The following GALNTL6 variants were observed in gnomAD, a reference collection of about 807,000 sequenced individuals.
GALNTL6 encodes the protein polypeptide N-acetylgalactosaminyltransferase like 6.
GALNTL6 carries 46 observed loss-of-function variants against 73.7 expected under a neutral mutation model. The observed-to-expected ratio is 0.62, with a 90% CI of 0.49 to 0.80. GALNTL6 has a LOEUF of 0.80. Among genes scored for constraint, GALNTL6 ranks in the 30% least tolerant of loss-of-function variants. GALNTL6 has a pLI of 0.00. For synonymous variants in GALNTL6, 259 were observed against 263.7 expected, an observed-to-expected ratio of 0.98 and a Z score of 0.17; for missense variants, 604 against 755.0, an observed-to-expected ratio of 0.80 and a Z score of 2.34.
chr4:171,877,159 C>T (rs1036611374), intron 2 of GALNTL6, among the ~76,000 whole-genome samples: 4 of 152,122 alleles, frequency 2.6e-5, no homozygotes, highest in Non-Finnish European at 5.9e-5. Context: ...TCATTCATTC[C>T]AAATTTCCTT....
chr4:172,515,398 T>A (rs1734567061), intron 5 of GALNTL6, among the ~76,000 whole-genome samples: 1 of 152,224 alleles, frequency 6.6e-6, no homozygotes, highest in Non-Finnish European at 1.5e-5. Flanking sequence ...CTCCTCTCCC[T>A]TGGGCTTGTG....
At chr4:171,985,308 G>A (rs1740035182) in intron 2 of GALNTL6, among the ~76,000 whole-genome samples, 1 of 152,164 alleles carries the variant, frequency 6.6e-6, no homozygotes, top group South Asian at 2.1e-4. Flanking sequence ...GAAAATGAGA[G>A]CCAAGTGAAA....
chr4:172,089,926 T>C (rs9995106), intron 2 of GALNTL6, among the ~76,000 whole-genome samples: 150,263 of 152,240 alleles, frequency 0.99, 74,180 homozygotes, highest in Middle Eastern at 1. Context: ...TGTTCAGCTC[T>C]CACTTATGAA....
chr4:172,926,737 C>T (rs1265329662), intron 8 of GALNTL6, among the ~76,000 whole-genome samples: 1 of 152,210 alleles, frequency 6.6e-6, no homozygotes, highest in Admixed American at 6.6e-5. Flanking sequence ...TAAGCACTGA[C>T]ATTTGATTAT....
chr4:171,952,911 G>A (rs1219352658), intron 2 of GALNTL6, among the ~76,000 whole-genome samples: 5 of 152,044 alleles, frequency 3.3e-5, no homozygotes, highest in Non-Finnish European at 7.4e-5. Flanking sequence ...CATCAATAAT[G>A]AGAAAAATCT....
chr4:172,159,533 A>G (rs1734388979), intron 2 of GALNTL6, among the ~76,000 whole-genome samples: 3 of 152,186 alleles, frequency 2.0e-5, no homozygotes, highest in Admixed American at 2.0e-4. Flanking sequence ...CATGAGTAGG[A>G]GTCAAGTGTA....
chr4:172,974,578 T>C (rs1242638517), intron 10 of GALNTL6, among the ~76,000 whole-genome samples: 1 of 152,180 alleles, frequency 6.6e-6, no homozygotes, highest in Non-Finnish European at 1.5e-5. Context: ...ATGGGATCCT[T>C]GGGGTGTTGT....
intron 7 of GALNTL6, among the ~76,000 whole-genome samples, chr4:172,841,193 A>G (rs1022888686): frequency 4.6e-5 from 7 of 152,212 alleles, no homozygotes; most frequent in African/African-American, 1.7e-4. Context: ...GAAATATGCT[A>G]CTGGAAATGG....
At chr4:172,969,432 C>G (rs1750473057) in intron 10 of GALNTL6, among the ~76,000 whole-genome samples, 1 of 152,024 alleles carries the variant, frequency 6.6e-6, no homozygotes, top group Admixed American at 6.6e-5. Context: ...AACTATAATT[C>G]AAAGAAACCT....
chr4:172,820,092 G>T (rs774334331), intron 7 of GALNTL6, among the ~76,000 whole-genome samples: 1 of 152,192 alleles, frequency 6.6e-6, no homozygotes, highest in Admixed American at 6.5e-5. Context: ...CTGCACAAGG[G>T]TGCCCAGTGG....
intron 10 of GALNTL6, among the ~76,000 whole-genome samples, chr4:172,982,204 T>C (rs184801612): frequency 5.3e-5 from 8 of 152,344 alleles, no homozygotes; most frequent in Admixed American, 2.0e-4. Context: ...GCCAAATGTT[T>C]CCACAAGCTC....
Position 172,339,640 on chromosome 4 carries a change from C to T in GALNTL6, c.387-8883C>T, listed in dbSNP as rs77056158. ...TCGGGGAAAATGCTGCAACTTTTCC[C>T]AATGTCTTTCCCTCTGAGTTTCTCC... On this transcript the variant is annotated intron_variant, in intron 4 of 12. Transcript: ENST00000506823. Among the ~76,000 whole-genome samples the T allele has an allele frequency of 3.5e-3, 535 of 152,266 alleles. 2 individuals carry two copies. The highest frequency in any genetic ancestry group is 0.012 in the African/African-American group (496 of 41,556).
intron 2 of GALNTL6, among the ~76,000 whole-genome samples, chr4:172,050,451 C>T (rs187051476): frequency 9.9e-5 from 15 of 152,226 alleles, no homozygotes; most frequent in Admixed American, 6.5e-4. Context: ...AAAAGAGAAG[C>T]TTTGTTTAAA....
At chr4:172,102,761 T>C (rs1016069393) in intron 2 of GALNTL6, among the ~76,000 whole-genome samples, 4 of 152,198 alleles carry the variant, frequency 2.6e-5, no homozygotes, top group Non-Finnish European at 5.9e-5. Context: ...GTTACATTCT[T>C]ACTCTGACAC....
intron 5 of GALNTL6, among the ~76,000 whole-genome samples, chr4:172,535,435 T>C (rs773871515): frequency 6.6e-6 from 1 of 152,172 alleles, no homozygotes; most frequent in African/African-American, 2.4e-5. Context: ...ACTGAGAAAA[T>C]TGCATTAGCC....
intron 3 of GALNTL6, among the ~76,000 whole-genome samples, chr4:172,261,116 T>A (rs1163864567): frequency 6.6e-6 from 1 of 151,290 alleles, no homozygotes; most frequent in Non-Finnish European, 1.5e-5. Flanking sequence ...ATTGACTTGC[T>A]TCATATAATG....
intron 2 of GALNTL6, among the ~76,000 whole-genome samples, chr4:172,167,755 G>A (rs1392822416): frequency 1.0e-4 from 15 of 149,434 alleles, no homozygotes; most frequent in Non-Finnish European, 1.3e-4. Context: ...TCAGGAGATC[G>A]AGACCATCCT....
intron 5 of GALNTL6, among the ~76,000 whole-genome samples, chr4:172,723,021 T>C (rs1184957203): frequency 6.6e-6 from 1 of 152,112 alleles, no homozygotes; most frequent in Admixed American, 6.6e-5. Context: ...GGATAATCCA[T>C]TTTCTTGACT....
chr4:172,304,804 C>T (rs1740068866), intron 3 of GALNTL6, among the ~76,000 whole-genome samples: 2 of 152,060 alleles, frequency 1.3e-5, no homozygotes, highest in Admixed American at 1.3e-4. Context: ...TTCATTCACC[C>T]CCATTTCTTC....
Sources: gnomAD v4.1 joint callset for allele counts (sites outside exome capture counted in the v4.1 genomes callset) on GRCh38, gnomAD v4.1.1 for gene constraint, MANE v1.5 for transcripts, NCBI Gene and HGNC (gene_info 2026-07-23, HGNC 2026-07-21) for gene names.